The following SHANK2 variants were observed in gnomAD, a reference collection of about 807,000 sequenced individuals.
The protein encoded by SHANK2 is SH3 and multiple ankyrin repeat domains 2.
Under a neutral mutation model 133.7 loss-of-function variants are expected in SHANK2, and 43 were observed. The observed-to-expected ratio is 0.32, with a 90% CI of 0.25 to 0.41. The LOEUF is 0.41. Among genes scored for constraint, SHANK2 ranks in the 10% least tolerant of loss-of-function variants. The pLI is 1.00. For synonymous variants in SHANK2, 1,017 were observed against 952.8 expected, an observed-to-expected ratio of 1.07 and a Z score of -1.24; for missense variants, 1,994 against 2,235.8, an observed-to-expected ratio of 0.89 and a Z score of 2.18.
At chr11:70,911,363 AC>A (rs1285781540) in intron 10 of SHANK2, among the ~76,000 whole-genome samples, 1 of 149,520 alleles carries the variant, frequency 6.7e-6, no homozygotes, top group Admixed American at 6.6e-5. Context: ...CTCAAAAAAA[AC>A]AAAAAAACAA....
intron 14 of SHANK2, among the ~76,000 whole-genome samples, chr11:70,706,423 T>C (rs951735575): frequency 1.3e-5 from 2 of 152,128 alleles, no homozygotes; most frequent in African/African-American, 2.4e-5. Context: ...AAGTTGGAGA[T>C]ACAGGAAGCT....
Position 70,597,513 on chromosome 11 carries a change from G to A in SHANK2, c.2061+62315C>T, listed in dbSNP as rs558016320. Among the ~76,000 whole-genome samples, 8 of 152,096 alleles carry A rather than the reference G, an allele frequency of 5.3e-5. No homozygotes were observed. In the South Asian group the frequency reaches 8.3e-4, roughly 16 times the overall value. On this transcript the variant is annotated intron_variant, in intron 17 of 25. Transcript: ENST00000601538. ...GTAGAGAGGATAGAGAGGGTAGAGA[G>A]GATAAGAGATTTTTCTTTACCTGGC...
chr11:70,638,717 G>A (rs1379350392), intron 17 of SHANK2, among the ~76,000 whole-genome samples: 3 of 152,144 alleles, frequency 2.0e-5, no homozygotes, highest in South Asian at 4.1e-4. Context: ...CAAAAAAGTT[G>A]AGAGTCCAGC....
chr11:71,196,380 G>A (rs1172331867), intron 2 of SHANK2, among the ~76,000 whole-genome samples: 2 of 151,870 alleles, frequency 1.3e-5, no homozygotes, highest in African/African-American at 4.8e-5. Context: ...CTGCCTCCTG[G>A]GCTCAAGCAA....
intron 14 of SHANK2, among the ~76,000 whole-genome samples, chr11:70,752,428 A>T (rs1402872134): frequency 6.6e-6 from 1 of 152,226 alleles, no homozygotes; most frequent in African/African-American, 2.4e-5. Context: ...GATTAAAAAA[A>T]ATCAATTCGG....
chr11:70,692,109 C>T (rs1945302053), intron 15 of SHANK2, among the ~76,000 whole-genome samples: 1 of 152,056 alleles, frequency 6.6e-6, no homozygotes, highest in African/African-American at 2.4e-5. Context: ...AGGGATAAAG[C>T]CTTCTTTTCA....
At chr11:70,587,219 C>T (rs1400763754) in intron 17 of SHANK2, among the ~76,000 whole-genome samples, 1 of 152,164 alleles carries the variant, frequency 6.6e-6, no homozygotes, top group African/African-American at 2.4e-5. Flanking sequence ...TCTCAGATGT[C>T]CAGGGATGCC....
At chr11:70,815,838 G>A (rs1220121850) in intron 12 of SHANK2, among the ~76,000 whole-genome samples, 1 of 152,206 alleles carries the variant, frequency 6.6e-6, no homozygotes, top group Non-Finnish European at 1.5e-5. Context: ...TCCTGGCCAA[G>A]GTTTCTGGGG....
chr11:71,082,390 T>C (rs1036797103), intron 8 of SHANK2, among the ~76,000 whole-genome samples: 2 of 152,224 alleles, frequency 1.3e-5, no homozygotes, highest in Non-Finnish European at 2.9e-5. Context: ...AGATGGACAG[T>C]GATCGCCTCA....
At chr11:70,511,409 C>T (rs1189883438) in intron 17 of SHANK2, among the ~76,000 whole-genome samples, 1 of 152,196 alleles carries the variant, frequency 6.6e-6, no homozygotes, top group African/African-American at 2.4e-5. Context: ...CCAGAAATTG[C>T]TCATGTGGTG....
chr11:70,733,073 C>T (rs1326439222), intron 14 of SHANK2, among the ~76,000 whole-genome samples: 1 of 152,318 alleles, frequency 6.6e-6, no homozygotes, highest in East Asian at 1.9e-4. Flanking sequence ...AGACGCGGAG[C>T]AGATCATCTC....
At chr11:70,508,010 A>C (rs1362558982) in intron 17 of SHANK2, among the ~76,000 whole-genome samples, 4 of 152,112 alleles carry the variant, frequency 2.6e-5, no homozygotes, top group Admixed American at 2.6e-4. Flanking sequence ...GCACCCCTCC[A>C]GGGTATGGTT....
In SHANK2 at chr11:70,550,650, C is replaced by T. The variant is rs142572924; in HGVS notation, c.2062-47719G>A. On this transcript the variant is annotated intron_variant, in intron 17 of 25. Transcript: ENST00000601538. The stretch of plus-strand genomic sequence containing the variant: ...GTGGGTTGGTGGGCTAAGAACTGAG[C>T]GATGTTGTTAGCGAAGGTCCCACGT... Among the ~76,000 whole-genome samples, 120 of 152,288 alleles carry T rather than the reference C, an allele frequency of 7.9e-4. 1 individual carries two copies. In the East Asian group the frequency reaches 0.016, roughly 20 times the overall value.
intron 2 of SHANK2, among the ~76,000 whole-genome samples, chr11:71,179,403 C>G (rs374108259): frequency 1.3e-5 from 2 of 152,154 alleles, no homozygotes; most frequent in South Asian, 4.1e-4. Flanking sequence ...TTCATAAAAT[C>G]TAACACAGAT....
chr11:70,685,377 C>T (rs572624730), intron 15 of SHANK2, among the ~76,000 whole-genome samples: 1 of 152,226 alleles, frequency 6.6e-6, no homozygotes, highest in South Asian at 2.1e-4. Context: ...GGACCTGGGA[C>T]ACATGGTGCC....
chr11:70,605,232 C>T (rs2060559506), intron 17 of SHANK2, among the ~76,000 whole-genome samples: 1 of 152,262 alleles, frequency 6.6e-6, no homozygotes, highest in African/African-American at 2.4e-5. Context: ...AGATGCTCTC[C>T]CTGCTAGGCC....
At chr11:70,770,040 C>T (rs919465152) in intron 14 of SHANK2, among the ~76,000 whole-genome samples, 1 of 152,188 alleles carries the variant, frequency 6.6e-6, no homozygotes. Context: ...ATGTACCTTC[C>T]CAGTGGCCCA....
intron 14 of SHANK2, among the ~76,000 whole-genome samples, chr11:70,713,756 C>T (rs1664196): frequency 8.3e-4 from 126 of 152,342 alleles, no homozygotes; most frequent in African/African-American, 2.9e-3. Context: ...TGTCCTTTTC[C>T]ACCATCCGTC....
intron 9 of SHANK2, among the ~76,000 whole-genome samples, chr11:71,074,617 C>G (rs1053925498): frequency 2.6e-5 from 4 of 152,056 alleles, no homozygotes; most frequent in African/African-American, 7.2e-5. Flanking sequence ...ACAGACAATG[C>G]GAGCTATTTT....
Sources: allele counts gnomAD v4.1 joint callset (sites outside exome capture counted in the v4.1 genomes callset), GRCh38; gene constraint gnomAD v4.1.1; transcripts MANE v1.5; gene names NCBI Gene and HGNC (gene_info 2026-07-23, HGNC 2026-07-21).